Variants in ATP8A2 observed in about 807,000 individuals in gnomAD.
ATP8A2 encodes the protein ATPase phospholipid transporting 8A2.
In ATP8A2, 100 loss-of-function variants were observed where a neutral mutation model predicts 165.6. The ratio of observed to expected loss-of-function variants is 0.60; its 90% CI spans 0.51 to 0.71. The LOEUF is 0.71. Ranked by LOEUF, ATP8A2 falls within the 30% of genes least tolerant of loss-of-function variation. The probability of loss-of-function intolerance (pLI) is 0.00; values close to 1 mark genes in which losing one functional copy is unlikely to be tolerated. For synonymous variants in ATP8A2, 543 were observed against 548.8 expected (o/e 0.99, Z 0.15); for missense variants, 1,227 against 1,479.5 (o/e 0.83, Z 2.80).
intron 1 of ATP8A2, among the ~76,000 whole-genome samples, chr13:25,402,449 G>A (rs2033667717): frequency 6.6e-6 from 1 of 152,152 alleles, no homozygotes; most frequent in South Asian, 2.1e-4. Flanking sequence ...AGGGCAGGAT[G>A]ATTTTAAAGG....
chr13:25,819,861 T>C (rs1167357177), intron 27 of ATP8A2, among the ~76,000 whole-genome samples: 3 of 152,240 alleles, frequency 2.0e-5, no homozygotes, highest in African/African-American at 7.2e-5. Context: ...TTTTGACATT[T>C]AAACAGATAT....
chr13:25,428,941 G>A (rs949519573), intron 1 of ATP8A2, among the ~76,000 whole-genome samples: 6 of 152,150 alleles, frequency 3.9e-5, no homozygotes, highest in Admixed American at 6.6e-5. Context: ...CCCAGAACAG[G>A]TCTGGGAAAT....
intron 24 of ATP8A2, among the ~76,000 whole-genome samples, chr13:25,669,082 C>T (rs1014055052): frequency 1.3e-5 from 2 of 151,972 alleles, no homozygotes; most frequent in Non-Finnish European, 2.9e-5. Context: ...ATGAATGGGA[C>T]ATACTTTTTT....
intron 1 of ATP8A2, among the ~76,000 whole-genome samples, chr13:25,455,522 T>G (rs9507523): frequency 0.37 from 55,778 of 152,156 alleles, 11,301 homozygotes; most frequent in East Asian, 0.61. Context: ...ACAGGTAGTA[T>G]ATTTGGTTGT....
At chr13:25,528,606 G>A (rs1482339237) in intron 2 of ATP8A2, among the ~76,000 whole-genome samples, 3 of 152,098 alleles carry the variant, frequency 2.0e-5, no homozygotes, top group South Asian at 2.1e-4. Flanking sequence ...TGAGCCCTTC[G>A]CCCTTCTATT....
chr13:25,537,946 C>A, intron 6 of ATP8A2, 42 bp from the exon 7 acceptor site: 3 of 1,415,902 alleles, frequency 2.1e-6, no homozygotes, highest in South Asian at 1.2e-5. Flanking sequence ...TGTTTTGTTT[C>A]TTTTCTTTCG....
In ATP8A2 at chr13:25,589,490, A is replaced by G. The variant is rs371972009; in HGVS notation, c.2147-145A>G. 99 of 577,778 alleles carry G rather than the reference A, an allele frequency of 1.7e-4. No individual in the cohort carries two copies. In the South Asian group the frequency reaches 2.5e-3, roughly 15 times the overall value. The allele number at this position is 577,778 out of a possible 1,614,324, so 35.8% of individuals were successfully genotyped here. A position where few individuals can be genotyped will look rare whatever the true frequency, so the allele number is the denominator to read the frequency against. On this transcript the variant is annotated intron_variant, in intron 23 of 36. Transcript: ENST00000381655. The stretch of plus-strand genomic sequence containing the variant: ...TCAATCTGTACAAGAATCAAAATCA[A>G]CTTACTTTTCCTACTCCTCACTGTT...
intron 34 of ATP8A2, among the ~76,000 whole-genome samples, chr13:25,966,942 G>A (rs1459530584): frequency 3.3e-5 from 5 of 152,176 alleles, no homozygotes; most frequent in African/African-American, 1.2e-4. Context: ...GGTGGAGAGA[G>A]GGATCCTGGA....
chr13:25,555,665 G>A (rs966080410), intron 13 of ATP8A2, among the ~76,000 whole-genome samples: 9 of 151,860 alleles, frequency 5.9e-5, no homozygotes, highest in African/African-American at 1.9e-4. Flanking sequence ...GGGGGTAAAT[G>A]TGCAGGTCTG....
Position 25,776,147 on chromosome 13 carries a change from A to G in ATP8A2, c.2679+1188A>G, listed in dbSNP as rs149543171. Among the ~76,000 whole-genome samples, 12 of 152,360 alleles carry G rather than the reference A, an allele frequency of 7.9e-5. No homozygotes were observed. The East Asian group carries it at 2.3e-3, about 29-fold the overall frequency. ...GCCCGGAGCCCAACTGGAAACAGCA[A>G]TGCATTTTTCTAAGTTGCACAAGGG... On this transcript the variant is annotated intron_variant, in intron 27 of 36. Transcript: ENST00000381655.
chr13:25,674,657 A>T (rs1186065045), intron 24 of ATP8A2, among the ~76,000 whole-genome samples: 1 of 152,218 alleles, frequency 6.6e-6, no homozygotes, highest in Non-Finnish European at 1.5e-5. Flanking sequence ...GCTAAATGCA[A>T]TTGAAACATT....
intron 2 of ATP8A2, among the ~76,000 whole-genome samples, chr13:25,477,984 A>G (rs897837609): frequency 6.6e-6 from 1 of 152,168 alleles, no homozygotes; most frequent in African/African-American, 2.4e-5. Flanking sequence ...CTTAAAATCA[A>G]CTAGAAGTAT....
chr13:25,454,034 A>G (rs533864783), intron 1 of ATP8A2, among the ~76,000 whole-genome samples: 1 of 152,302 alleles, frequency 6.6e-6, no homozygotes, highest in Admixed American at 6.5e-5. Flanking sequence ...GATGAGCGGT[A>G]GGATGGTTAG....
intron 35 of ATP8A2, among the ~76,000 whole-genome samples, chr13:26,003,041 C>T (rs1397288673): frequency 2.6e-5 from 4 of 152,030 alleles, no homozygotes; most frequent in Non-Finnish European, 5.9e-5. Flanking sequence ...GGATTATATA[C>T]CCAGAAGTGA....
chr13:25,837,933 G>C (rs762438403), intron 29 of ATP8A2, among the ~76,000 whole-genome samples: 10 of 152,196 alleles, frequency 6.6e-5, no homozygotes, highest in Non-Finnish European at 1.5e-4. Flanking sequence ...ACAGCAGAGG[G>C]GTCTGCCACA....
At chr13:25,537,642 C>T (rs565769335) in intron 6 of ATP8A2, among the ~76,000 whole-genome samples, 2 of 152,192 alleles carry the variant, frequency 1.3e-5, no homozygotes, top group Admixed American at 6.5e-5. Context: ...TGTGCGTGAC[C>T]GTTCTACCCT....
intron 2 of ATP8A2, among the ~76,000 whole-genome samples, chr13:25,505,452 C>A (rs140536408): frequency 1.3e-5 from 2 of 152,258 alleles, no homozygotes; most frequent in Non-Finnish European, 2.9e-5. Context: ...AACTGTTATA[C>A]GTGTTAAAGT....
intron 33 of ATP8A2, among the ~76,000 whole-genome samples, chr13:25,932,318 G>A (rs1954789521): frequency 6.6e-6 from 1 of 152,184 alleles, no homozygotes; most frequent in Non-Finnish European, 1.5e-5. Context: ...ACGCCAGGGA[G>A]CATTTTGCTT....
Position 25,559,787 on chromosome 13 carries a change from T to C in ATP8A2, c.1397+22T>C, listed in dbSNP as rs753671032. The C allele has an allele frequency of 1.0e-5, 16 of 1,575,968 alleles. No homozygotes were observed. In the South Asian group the frequency reaches 1.7e-4, roughly 16 times the overall value. ...TCTGGTAAGTAGATTCTAGCACTTC[T>C]TGACACTTTAGTGGAAAAGCTTTTG... On this transcript the variant is annotated intron_variant, in intron 15 of 36. Coordinates refer to ENST00000381655, the MANE Select transcript of ATP8A2 (RefSeq NM_016529.6).
Sources: allele counts gnomAD v4.1 joint callset (sites outside exome capture counted in the v4.1 genomes callset), GRCh38; gene constraint gnomAD v4.1.1; transcripts MANE v1.5; gene names NCBI Gene and HGNC (gene_info 2026-07-23, HGNC 2026-07-21).